Variants in CSMD1 observed in about 807,000 individuals in gnomAD.
CSMD1 encodes CUB and Sushi multiple domains 1.
In CSMD1, 213 loss-of-function variants were observed where a neutral mutation model predicts 417.5. The ratio of observed to expected loss-of-function variants is 0.51; its 90% CI spans 0.46 to 0.57. The LOEUF is 0.57. Ranked by LOEUF, CSMD1 falls within the 20% of genes least tolerant of loss-of-function variation. The pLI is 0.00. For missense variants in CSMD1, 6,923 were observed against 4,529.7 expected, an observed-to-expected ratio of 1.53 and a Z score of -15.17; for synonymous variants, 2,862 against 1,736.8, an observed-to-expected ratio of 1.65 and a Z score of -16.11.
intron 3 of CSMD1, among the ~76,000 whole-genome samples, chr8:4,251,830 GAAGAGGAGAGATGC>G (rs1803101932): frequency 6.9e-6 from 1 of 144,552 alleles, no homozygotes; most frequent in Non-Finnish European, 1.5e-5. Flanking sequence ...AGGAGAGATG[GAAGAGGAGAGATGC>G]AGGAGGAGAG....
In CSMD1 at chr8:3,359,357, CAG is replaced by C; in HGVS notation, c.3116-19_3116-18del. The C allele has an allele frequency of 2.5e-6, 4 of 1,592,030 alleles. No homozygotes were observed. Among genetic ancestry groups the C allele is most frequent in the Non-Finnish European group, 3.4e-6 (4 of 1,167,578 alleles). ...GGTCATATTCTGAGGCATGCAGAGA[CAG>C]AGTAAATGCATGAGGATTTGGGTAA... On this transcript the variant is annotated intron_variant, in intron 20 of 69. Coordinates refer to ENST00000635120, the MANE Select transcript of CSMD1 (RefSeq NM_033225.6).
At chr8:3,496,583 T>C (rs915277630) in intron 10 of CSMD1, among the ~76,000 whole-genome samples, 2 of 152,194 alleles carry the variant, frequency 1.3e-5, no homozygotes, top group South Asian at 4.1e-4. Context: ...TTCCCAGCAC[T>C]TTGGGAGGCC....
At chr8:4,295,661 T>G (rs2128870081) in intron 3 of CSMD1, among the ~76,000 whole-genome samples, 1 of 144,474 alleles carries the variant, frequency 6.9e-6, no homozygotes, top group South Asian at 2.1e-4. Flanking sequence ...AATATAATCT[T>G]AAGATTACAT....
intron 3 of CSMD1, among the ~76,000 whole-genome samples, chr8:4,242,866 A>G (rs1051410647): frequency 3.3e-5 from 5 of 152,240 alleles, no homozygotes; most frequent in African/African-American, 2.4e-5. Context: ...AGATTAAAGC[A>G]TCAGGATGAA....
chr8:3,787,018 C>A (rs1799490477), intron 5 of CSMD1, among the ~76,000 whole-genome samples: 1 of 152,106 alleles, frequency 6.6e-6, no homozygotes, highest in Admixed American at 6.5e-5. Flanking sequence ...GATCTGAAGT[C>A]TAACTTAAGT....
At chr8:4,912,647 T>A (rs965129956) in intron 1 of CSMD1, among the ~76,000 whole-genome samples, 1 of 152,190 alleles carries the variant, frequency 6.6e-6, no homozygotes, top group African/African-American at 2.4e-5. Flanking sequence ...ACCTGTGACA[T>A]GTAGGTCAGG....
Position 3,695,087 on chromosome 8 carries a change from C to CGTGTGTGTGTGTGTGTGTGTGTGTGT in CSMD1, c.1009+13301_1009+13326dup, listed in dbSNP as rs1276176981. 2.4e-3 allele frequency among the ~76,000 whole-genome samples: 348 copies of CGTGTGTGTGTGTGTGTGTGTGTGTGT among 145,570 alleles called. 4 individuals carry two copies. The highest frequency in any genetic ancestry group is 2.5e-3 in the Non-Finnish European group (168 of 66,562). ...CATCACAAAAGAATTGGAGGCCCTG[C>CGTGTGTGTGTGTGTGTGTGTGTGTGT]GTGTGTGTGTGTGTGTGTGTGTGTG... On this transcript the variant is annotated intron_variant, in intron 7 of 69. Coordinates refer to ENST00000635120, the MANE Select transcript of CSMD1 (RefSeq NM_033225.6).
At chr8:4,416,392 T>A (rs1279970115) in intron 3 of CSMD1, among the ~76,000 whole-genome samples, 1 of 152,112 alleles carries the variant, frequency 6.6e-6, no homozygotes, top group Non-Finnish European at 1.5e-5. Flanking sequence ...ATAACCAATA[T>A]TTAAATTATT....
chr8:4,761,881 A>ACC (rs1563319135), intron 1 of CSMD1, among the ~76,000 whole-genome samples: 18 of 89,534 alleles, frequency 2.0e-4, no homozygotes, highest in South Asian at 8.4e-4. Context: ...CTATCTATCT[A>ACC]TCTATCTACC....
At chr8:4,357,354 C>G (rs535214694) in intron 3 of CSMD1, among the ~76,000 whole-genome samples, 53 of 152,230 alleles carry the variant, frequency 3.5e-4, no homozygotes, top group Non-Finnish European at 4.6e-4. Flanking sequence ...ACAACAGGAT[C>G]GTAGAGCTGA....
intron 2 of CSMD1, among the ~76,000 whole-genome samples, chr8:4,595,387 C>CTTTTTTTTTTTTTTCTTTTTTT: frequency 6.8e-6 from 1 of 147,330 alleles, no homozygotes; most frequent in African/African-American, 2.5e-5. Context: ...CATTCATTTT[C>CTTTTTTTTTTTTTTCTTTTTTT]ATTCCATCCA....
At chr8:3,446,416 C>A (rs1815313065) in intron 12 of CSMD1, among the ~76,000 whole-genome samples, 1 of 152,164 alleles carries the variant, frequency 6.6e-6, no homozygotes, top group South Asian at 2.1e-4. Context: ...TGTTTTAATA[C>A]AATGTATCCT....
intron 2 of CSMD1, among the ~76,000 whole-genome samples, chr8:4,464,006 T>C (rs913297176): frequency 6.6e-6 from 1 of 152,248 alleles, no homozygotes; most frequent in East Asian, 1.9e-4. Flanking sequence ...TTTCCTGTTA[T>C]ATCACATGAC....
At chr8:4,185,226 G>C (rs1798595969) in intron 3 of CSMD1, among the ~76,000 whole-genome samples, 1 of 151,216 alleles carries the variant, frequency 6.6e-6, no homozygotes, top group Non-Finnish European at 1.5e-5. Context: ...CTGGGAACCT[G>C]CTTTCTTGCC....
At chr8:4,180,885 A>G (rs1315103407) in intron 3 of CSMD1, among the ~76,000 whole-genome samples, 1 of 152,208 alleles carries the variant, frequency 6.6e-6, no homozygotes, top group Non-Finnish European at 1.5e-5. Flanking sequence ...ACTTGTAATT[A>G]CTGTGCATTG....
intron 12 of CSMD1, among the ~76,000 whole-genome samples, chr8:3,433,492 T>C (rs1000312855): frequency 4.6e-5 from 7 of 152,206 alleles, no homozygotes; most frequent in African/African-American, 1.7e-4. Context: ...GGCGGATTGC[T>C]TCTTGGTTCA....
At chr8:3,729,247 A>C (rs945118256) in intron 6 of CSMD1, among the ~76,000 whole-genome samples, 2 of 152,176 alleles carry the variant, frequency 1.3e-5, no homozygotes, top group Non-Finnish European at 2.9e-5. Flanking sequence ...TGCCTTTTTA[A>C]TGACTGACGG....
intron 2 of CSMD1, among the ~76,000 whole-genome samples, chr8:4,518,450 G>A (rs535543930): frequency 7.2e-5 from 11 of 152,170 alleles, no homozygotes; most frequent in Admixed American, 6.5e-4. Context: ...ACATAAACGT[G>A]ATATCCTTTA....
In CSMD1 at chr8:3,423,102, G is replaced by A. The variant is rs574172623; in HGVS notation, c.1562-13497C>T. On this transcript the variant is annotated intron_variant, in intron 12 of 69. Coordinates refer to ENST00000635120, the MANE Select transcript of CSMD1 (RefSeq NM_033225.6). ...ATTAAACAGATTAAATTATTTTGGG[G>A]TCACTTATTATTACTCATCATAGTT... Among the ~76,000 whole-genome samples, 6 of 152,250 alleles carry A rather than the reference G, an allele frequency of 3.9e-5. No homozygotes were observed. In the East Asian group the frequency reaches 1.2e-3, roughly 29 times the overall value.
Sources: gnomAD v4.1 joint callset for allele counts (sites outside exome capture counted in the v4.1 genomes callset) on GRCh38, gnomAD v4.1.1 for gene constraint, MANE v1.5 for transcripts, NCBI Gene and HGNC (gene_info 2026-07-23, HGNC 2026-07-21) for gene names.